LCN12: variants seen among roughly 807,000 people sequenced by gnomAD.
LCN12 encodes lipocalin 12.
A neutral mutation model predicts 23.7 loss-of-function variants in LCN12; 15 were observed. The observed-to-expected ratio is 0.63, with a 90% CI of 0.42 to 0.97. The LOEUF (loss-of-function observed/expected upper bound fraction) is 0.97. LCN12 is among the 50% of genes least tolerant of loss of function. The probability of loss-of-function intolerance (pLI) is 0.00; values close to 1 mark genes in which losing one functional copy is unlikely to be tolerated. For missense variants in LCN12, 219 were observed against 249.6 expected, an observed-to-expected ratio of 0.88 and a Z score of 0.83; for synonymous variants, 116 against 111.5, an observed-to-expected ratio of 1.04 and a Z score of -0.25.
intron 5 of LCN12, chr9:136,955,073 C>T: frequency 7.1e-7 from 1 of 1,403,966 alleles, no homozygotes; most frequent in East Asian, 2.6e-5. Flanking sequence ...CACCTGCACA[C>T]TCGCTATGCC....
intron 5 of LCN12, chr9:136,955,112 G>C (rs1370226808): frequency 7.1e-7 from 1 of 1,415,444 alleles, no homozygotes; most frequent in Non-Finnish European, 9.2e-7. Flanking sequence ...GTGAGTCTGG[G>C]GGCCCATGGG....
Position 136,952,306 on chromosome 9 carries a change from T to G in LCN12, c.-22T>G, listed in dbSNP as rs1301582437. 1 of 1,565,522 alleles carries G rather than the reference T, an allele frequency of 6.4e-7. No individual in the cohort carries two copies. Among genetic ancestry groups the G allele is most frequent in the Non-Finnish European group, 8.8e-7 (1 of 1,142,482 alleles). On this transcript the variant is annotated 5_prime_UTR_variant, in exon 1 of 6. Transcript: ENST00000371633. ...ATGGCCACTTCCTTCTCTCTGTCCC[T>G]GTGGGCCCAGCAGCTGCCAGGATGA...
At chr9:136,951,980 A>G (rs1044628295), upstream of LCN12, among the ~76,000 whole-genome samples, 2 of 152,208 alleles carry the variant, frequency 1.3e-5, no homozygotes, top group Non-Finnish European at 2.9e-5. Context: ...AGGCTGGGGC[A>G]GGCTGCGTGG....
Position 136,955,420 on chromosome 9 carries a change from C to A in LCN12, c.*21C>A. ...GTTGAAGGATGAAGCAGCTCCTGTCCGGCCCAGCCCTGCCTCACAGCTGTG... is the reference window on the plus strand; with the variant it reads ...GTTGAAGGATGAAGCAGCTCCTGTCAGGCCCAGCCCTGCCTCACAGCTGTG... On this transcript the variant is annotated 3_prime_UTR_variant, in exon 6 of 6. Coordinates refer to ENST00000371633, the MANE Select transcript of LCN12 (RefSeq NM_178536.4). 1 of 1,610,764 alleles carries A rather than the reference C, an allele frequency of 6.2e-7. No individual in the cohort carries two copies. The highest frequency in any genetic ancestry group is 1.1e-5 in the South Asian group (1 of 90,980).
chr9:136,954,044 C>T, intron 4 of LCN12, 80 bp downstream of exon 4: 1 of 1,557,890 alleles, frequency 6.4e-7, no homozygotes, highest in East Asian at 2.3e-5. Flanking sequence ...ACCCTGCCTC[C>T]CCACCCCGCC....
upstream of LCN12, chr9:136,951,360 C>T (rs927821691): frequency 1.3e-5 from 2 of 152,302 alleles, no homozygotes; most frequent in Admixed American, 1.3e-4. Context: ...CTAAAGCAAT[C>T]CTCCCACCTC....
Position 136,954,392 on chromosome 9 carries a change from C to T in LCN12, c.550+137C>T, listed in dbSNP as rs571321977. 42 of 1,023,942 alleles carry T rather than the reference C, an allele frequency of 4.1e-5. No homozygotes were observed. In the African/African-American group the frequency reaches 6.2e-4, roughly 15 times the overall value. 63.4% of individuals were successfully genotyped at this position (1,023,942 alleles called of 1,614,324 possible). A position where few individuals can be genotyped will look rare whatever the true frequency, so the allele number is the denominator to read the frequency against. ...CAGCCTGCGCTCAGGGGTCTCCAGG[C>T]TCCTGGGTCCCTGTGCTCAACCCAG... On this transcript the variant is annotated intron_variant, in intron 5 of 5. Coordinates refer to ENST00000371633, the MANE Select transcript of LCN12 (RefSeq NM_178536.4).
At chr9:136,952,671 A>ATGCGATG (rs1851188717) in intron 1 of LCN12, 1 of 638,076 alleles carries the variant, frequency 1.6e-6, no homozygotes, top group Admixed American at 2.9e-5. Flanking sequence ...CGTGAGGGGA[A>ATGCGATG]ACAGGCTCGG....
Position 136,953,872 on chromosome 9 carries a change from C to G in LCN12, c.356C>G (p.Thr119Ser). The change falls in exon 4 of 6, where the codon ACC becomes AGC. Residue 119 changes from threonine to serine, a missense_variant. Physicochemically the swap from Thr to Ser is moderately conservative, Grantham distance 58. Coordinates refer to ENST00000371633, the MANE Select transcript of LCN12 (RefSeq NM_178536.4). ...GVEPGADREETRVVDSDYTQF... is the reference protein window; with the variant it reads ...GVEPGADREESRVVDSDYTQF... ...GAGCCCGGGGCGGACAGAGAGGAGA[C>G]CCGGGTGGTGGACAGCGACTACACC... 1.2e-6 allele frequency: 2 copies of G among 1,604,768 alleles called. No homozygotes were observed. Among genetic ancestry groups the G allele is most frequent in the East Asian group, 2.2e-5 (1 of 44,578 alleles).
rs1851198772 is a variant in LCN12, at chr9:136,952,929, A to G, written c.152A>G (p.Asn51Ser). The G allele has an allele frequency of 3.1e-6, 5 of 1,613,628 alleles. No individual in the cohort carries two copies. The highest frequency in any genetic ancestry group is 3.3e-5 in the Admixed American group (2 of 60,020). Residue 51 changes from asparagine (N) to serine (S), a missense_variant, in exon 2 of 6, where the codon AAC becomes AGC. Coordinates refer to ENST00000371633, the MANE Select transcript of LCN12 (RefSeq NM_178536.4). Reference sequence around the variant, plus strand: ...TGGTTCGTCCTGGGCCTGGCGGGCAACAGCTTCAGGCCGGAGCACAGGGCG... The same window carrying G: ...TGGTTCGTCCTGGGCCTGGCGGGCAGCAGCTTCAGGCCGGAGCACAGGGCG... Reference protein sequence around the residue: ...GEWFVLGLAGNSFRPEHRALL... With the variant: ...GEWFVLGLAGSSFRPEHRALL...
At chr9:136,954,751 C>G in intron 5 of LCN12, 1 of 1,291,404 alleles carries the variant, frequency 7.7e-7, no homozygotes, top group Non-Finnish European at 1.0e-6. Context: ...AGCAGCCTGC[C>G]CTGGGTGGCA....
In LCN12 at chr9:136,955,455, C is replaced by A. The variant is rs1588477599; in HGVS notation, c.*56C>A. 34 of 1,530,186 alleles carry A rather than the reference C, an allele frequency of 2.2e-5. No individual in the cohort carries two copies. The East Asian group carries it at 7.4e-4, about 34-fold the overall frequency. 94.8% of individuals were successfully genotyped at this position (1,530,186 alleles called of 1,614,324 possible). On this transcript the variant is annotated 3_prime_UTR_variant, in exon 6 of 6. Coordinates refer to ENST00000371633, the MANE Select transcript of LCN12 (RefSeq NM_178536.4). ...CTGCCTCACAGCTGTGCGAGCTCTG[C>A]CCTCCTCAGCTCTCAAACCTGAATA... is the stretch of plus-strand genomic sequence containing the variant.
rs1851176767 is a variant in LCN12, at chr9:136,952,378, G to A, written c.51G>A (p.Leu17=). ...TGTGGCTCTCCTTGCTGAAAGTCCTGCAGGCCCAGACCCCAACCCCCCTGC... is the reference window on the plus strand; with the variant it reads ...TGTGGCTCTCCTTGCTGAAAGTCCTACAGGCCCAGACCCCAACCCCCCTGC... ...LWLWLSLLKV[L]QAQTPTPLPL... The change falls in exon 1 of 6, where the codon CTG becomes CTA. Residue 17 remains leucine (L), a synonymous_variant. Transcript: ENST00000371633. 9.9e-6 allele frequency: 16 copies of A among 1,612,212 alleles called. No individual in the cohort carries two copies. In the East Asian group the frequency reaches 3.6e-4, roughly 36 times the overall value.
intron 2 of LCN12, 93 bp downstream of exon 2, chr9:136,953,121 C>A: frequency 6.6e-7 from 1 of 1,511,688 alleles, no homozygotes; most frequent in South Asian, 1.2e-5. Flanking sequence ...TGGGCCCTGT[C>A]CCAGCACAGG....
chr9:136,954,143 C>A lies in LCN12; in HGVS notation c.449-11C>A. ...AGTGCACAGACCCATGCTGGGCTCC[C>A]TGGGCTGCAGGCAGGAGCTGGTTGC... On this transcript the variant is annotated splice_polypyrimidine_tract_variant and intron_variant, in intron 4 of 5. Transcript: ENST00000371633. 6.5e-7 allele frequency: 1 copy of A among 1,543,410 alleles called. No individual in the cohort carries two copies. The highest frequency in any genetic ancestry group is 8.8e-7 in the Non-Finnish European group (1 of 1,142,548).
At chr9:136,956,032 G>A (rs185346777), downstream of LCN12, among the ~76,000 whole-genome samples, 2 of 152,168 alleles carry the variant, frequency 1.3e-5, no homozygotes, top group East Asian at 3.9e-4. Context: ...AGGGTCTGAG[G>A]TCACAACCCA....
rs1588477307 is a variant in LCN12 at position 136,955,201 on chromosome 9, A to G, written c.551-170A>G. The G allele has an allele frequency of 9.2e-6, 13 of 1,416,312 alleles. No homozygotes were observed. The East Asian group carries it at 1.3e-4, about 14-fold the overall frequency. 87.7% of individuals were successfully genotyped at this position (1,416,312 alleles called of 1,614,324 possible). A position where few individuals can be genotyped will look rare whatever the true frequency, so the allele number is the denominator to read the frequency against. On this transcript the variant is annotated intron_variant, in intron 5 of 5. Transcript: ENST00000371633. ...TGGGCCACATCTTCTGCCCCTTCTC[A>G]GCCTCCCTCACCCCAGCCCCTTCCC... is the stretch of plus-strand genomic sequence containing the variant.
Position 136,953,010 on chromosome 9 carries a change from T to C in LCN12, c.233T>C (p.Val78Ala), listed in dbSNP as rs768170628. ...FELSDDGRFEVWNAMTRGQHC... is the reference protein window; with the variant it reads ...FELSDDGRFEAWNAMTRGQHC... Reference sequence around the variant, plus strand: ...CTAAGTGATGATGGCCGCTTTGAGGTGTGGAATGCGATGACTCGGTGAGTG... The same window carrying C: ...CTAAGTGATGATGGCCGCTTTGAGGCGTGGAATGCGATGACTCGGTGAGTG... Residue 78 changes from valine to alanine, a missense_variant, in exon 2 of 6, where the codon GTG becomes GCG. Coordinates refer to ENST00000371633, the MANE Select transcript of LCN12 (RefSeq NM_178536.4). The C allele has an allele frequency of 1.2e-6, 2 of 1,613,940 alleles. No individual in the cohort carries two copies. Among genetic ancestry groups the C allele is most frequent in the Non-Finnish European group, 1.7e-6 (2 of 1,179,952 alleles).
intron 2 of LCN12, 136 bp downstream of exon 2, chr9:136,953,164 C>CTG: frequency 4.9e-6 from 6 of 1,226,124 alleles, no homozygotes; most frequent in Non-Finnish European, 6.9e-6. Context: ...AATGACCAAA[C>CTG]CCAGCTGGGG....
Sources: gnomAD v4.1 joint callset for allele counts (sites outside exome capture counted in the v4.1 genomes callset) on GRCh38, gnomAD v4.1.1 for gene constraint, MANE v1.5 for transcripts, NCBI Gene and HGNC (gene_info 2026-07-23, HGNC 2026-07-21) for gene names.